MYCBP2: variants seen among roughly 807,000 people sequenced by gnomAD.
The protein encoded by MYCBP2 is MYC binding protein 2, also known as E3 ubiquitin-protein ligase MYCBP2.
Under a neutral mutation model 525.3 loss-of-function variants are expected in MYCBP2, and 120 were observed. That is an observed-to-expected ratio of 0.23 (90% CI 0.20 to 0.27). The LOEUF is 0.27. Ranked by LOEUF, MYCBP2 falls within the 10% of genes least tolerant of loss-of-function variation. The pLI, the probability that MYCBP2 is intolerant of heterozygous loss-of-function variation, is 1.00. For synonymous variants in MYCBP2, 1,894 were observed against 1,955.8 expected (o/e 0.97, Z 0.83); for missense variants, 4,149 against 5,657.1 (o/e 0.73, Z 8.55).
intron 4 of MYCBP2, among the ~76,000 whole-genome samples, chr13:77,276,288 G>A (rs565020268): frequency 3.5e-4 from 53 of 152,140 alleles, no homozygotes; most frequent in African/African-American, 1.2e-3. Context: ...ATGTTCCACA[G>A]TAAGAGTTAT....
intron 24 of MYCBP2, 58 bp from the exon 25 acceptor site, chr13:77,205,656 G>A (rs561201811): frequency 1.4e-6 from 2 of 1,480,662 alleles, no homozygotes; most frequent in Non-Finnish European, 1.8e-6. Context: ...CTATGGTATT[G>A]ATGACATTAA....
chr13:77,123,583 G>A (rs1436760385), intron 54 of MYCBP2, among the ~76,000 whole-genome samples: 1 of 152,108 alleles, frequency 6.6e-6, no homozygotes, highest in East Asian at 1.9e-4. Flanking sequence ...TGACCTATAA[G>A]GTCATTTTAT....
chr13:77,119,573 G>T (rs1490982532), intron 55 of MYCBP2, among the ~76,000 whole-genome samples: 1 of 151,926 alleles, frequency 6.6e-6, no homozygotes, highest in Non-Finnish European at 1.5e-5. Context: ...ACAGCTCTTC[G>T]ATCTTGGACA....
chr13:77,233,153 T>C lies in MYCBP2; in HGVS notation c.2737+3A>G. 2 of 1,612,028 alleles carry C rather than the reference T, an allele frequency of 1.2e-6. No homozygotes were observed. Among genetic ancestry groups the C allele is most frequent in the African/African-American group, 1.3e-5 (1 of 74,924 alleles). ...CACCTAGGTGATAAGGAAGACCAAA[T>C]ACCTTTGTGCTTGTCCCGTTTATGC... is the stretch of plus-strand genomic sequence containing the variant. On this transcript the variant is annotated splice_donor_region_variant and intron_variant, in intron 18 of 82. Coordinates refer to ENST00000544440, the MANE Select transcript of MYCBP2 (RefSeq NM_015057.5).
chr13:77,326,825 G>C lies in MYCBP2; in HGVS notation c.-50C>G, dbSNP rs946725019. ...CGCCTCGTCCCCGCGGGCCGGGCGG[G>C]CAGACACGCGCGCGCACACACAGCC... On this transcript the variant is annotated 5_prime_UTR_variant, in exon 1 of 83. Coordinates refer to ENST00000544440, the MANE Select transcript of MYCBP2 (RefSeq NM_015057.5). This position sits in a 1 kb window ranked among gnomAD's most constrained non-coding sequence, Gnocchi z 4.2. 71 of 1,376,030 alleles carry C rather than the reference G, an allele frequency of 5.2e-5. No homozygotes were observed. The highest frequency in any genetic ancestry group is 6.3e-5 in the Non-Finnish European group (68 of 1,077,012). The allele number at this position is 1,376,030 out of a possible 1,614,324, so 85.2% of individuals were successfully genotyped here.
intron 82 of MYCBP2, among the ~76,000 whole-genome samples, chr13:77,050,162 G>A (rs2036478786): frequency 6.6e-6 from 1 of 152,114 alleles, no homozygotes; most frequent in South Asian, 2.1e-4. Context: ...CTATATCCCT[G>A]AAGAGGGAGT....
rs771003750 is a variant in MYCBP2 at position 77,071,813 on chromosome 13, ATAT to A, written c.11824-1105_11824-1103del. ...ACGTGGACATTCACTAAAACAGACT[ATAT>A]TATAGGCCAGAATCCAAATCTTAAC... On this transcript the variant is annotated intron_variant, in intron 68 of 82. Transcript: ENST00000544440. Among the ~76,000 whole-genome samples, 14 of 152,318 alleles carry A rather than the reference ATAT, an allele frequency of 9.2e-5. No homozygotes were observed. The East Asian group carries it at 2.7e-3, about 29-fold the overall frequency.
rs769008154 is a variant in MYCBP2, at chr13:77,211,132, A to AACT, written c.3416+32_3416+34dup. The AACT allele has an allele frequency of 3.1e-5, 43 of 1,387,544 alleles. No individual in the cohort carries two copies. The African/African-American group carries it at 5.9e-4, about 19-fold the overall frequency. The allele number at this position is 1,387,544 out of a possible 1,614,324, so 86.0% of individuals were successfully genotyped here. A position where few individuals can be genotyped will look rare whatever the true frequency, so the allele number is the denominator to read the frequency against. On this transcript the variant is annotated intron_variant, in intron 23 of 82. Coordinates refer to ENST00000544440, the MANE Select transcript of MYCBP2 (RefSeq NM_015057.5). ...TACCATAAGAGTATAACTGCATCAA[A>AACT]ACTTATTGACTATTTTATAAACTGA...
chr13:77,236,452 TC>T (rs879437380), intron 17 of MYCBP2, among the ~76,000 whole-genome samples: 4 of 152,096 alleles, frequency 2.6e-5, no homozygotes, highest in Non-Finnish European at 4.4e-5. Context: ...AAAATTATTA[TC>T]CTTTGATCTA....
intron 46 of MYCBP2, among the ~76,000 whole-genome samples, chr13:77,153,581 C>A (rs577074227): frequency 1.4e-4 from 22 of 152,170 alleles, no homozygotes; most frequent in Admixed American, 1.4e-3. Flanking sequence ...TGTGTATGCA[C>A]CATGAACCTT....
rs1372553282 is a variant in MYCBP2 at position 77,098,062 on chromosome 13, G to C, written c.9092C>G (p.Ala3031Gly). Residue 3031 changes from alanine to glycine, a missense_variant, in exon 56 of 83, where the codon GCC becomes GGC. Physicochemically the swap from Ala to Gly is moderately conservative, Grantham distance 60. Transcript: ENST00000544440. Reference sequence around the variant, plus strand: ...GAGGAAGGAAGCAAACACAGCTCTGGCACATTCGGCCACAGAAGGAGACAT... The same window carrying C: ...GAGGAAGGAAGCAAACACAGCTCTGCCACATTCGGCCACAGAAGGAGACAT... ...QAMSPSVAEC[A>G]RAVFASFLWH... 1 of 1,613,428 alleles carries C rather than the reference G, an allele frequency of 6.2e-7. No individual in the cohort carries two copies. Among genetic ancestry groups the C allele is most frequent in the East Asian group, 2.2e-5 (1 of 44,862 alleles).
rs1276068857 is a variant in MYCBP2, at chr13:77,090,109, T to A, written c.10522A>T (p.Thr3508Ser). 1 of 1,608,332 alleles carries A rather than the reference T, an allele frequency of 6.2e-7. No homozygotes were observed. The highest frequency in any genetic ancestry group is 1.3e-5 in the African/African-American group (1 of 74,906). ...TCTTTTTTATCCTCATACTTACCAG[T>A]GTCTCCACTGTTAACTCTTCTTCTA... is the stretch of plus-strand genomic sequence containing the variant. ...IPRRRVNSGDTEVGSSLLRHP... is the reference protein window; with the variant it reads ...IPRRRVNSGDSEVGSSLLRHP... Residue 3508 changes from threonine to serine, a missense_variant, in exon 60 of 83, where the codon ACT becomes TCT. By Grantham distance (58) the Thr-to-Ser change is moderately conservative. Transcript: ENST00000544440.
At chr13:77,247,314 GAAC>G (rs2070215468) in intron 15 of MYCBP2, among the ~76,000 whole-genome samples, 1 of 152,008 alleles carries the variant, frequency 6.6e-6, no homozygotes, top group Admixed American at 6.6e-5. Context: ...CACTAACAAT[GAAC>G]AATATGAAAA....
intron 21 of MYCBP2, among the ~76,000 whole-genome samples, chr13:77,214,270 C>G (rs1253037126): frequency 6.6e-6 from 1 of 152,172 alleles, no homozygotes; most frequent in African/African-American, 2.4e-5. Flanking sequence ...TCTCACAAAA[C>G]TACATAGGCA....
intron 71 of MYCBP2, 67 bp from the exon 72 acceptor site, chr13:77,066,155 A>G (rs774586780): frequency 1.8e-6 from 2 of 1,112,974 alleles, no homozygotes; most frequent in Non-Finnish European, 2.7e-6. Context: ...GAAAAAGATG[A>G]AAATGTTATT....
At chr13:77,170,853 G>T (rs1463905398) in intron 38 of MYCBP2, among the ~76,000 whole-genome samples, 1 of 152,098 alleles carries the variant, frequency 6.6e-6, no homozygotes, top group Non-Finnish European at 1.5e-5. Context: ...GGGATTACAG[G>T]CATGAGCCAC....
chr13:77,141,943 C>A (rs1450590051), intron 49 of MYCBP2, among the ~76,000 whole-genome samples: 1 of 152,020 alleles, frequency 6.6e-6, no homozygotes, highest in African/African-American at 2.4e-5. Flanking sequence ...GGAAGAAGAG[C>A]AGGGAAGTTG....
intron 1 of MYCBP2, among the ~76,000 whole-genome samples, chr13:77,324,831 G>A (rs540097241): frequency 5.8e-4 from 88 of 152,304 alleles, no homozygotes; most frequent in African/African-American, 2.0e-3. Flanking sequence ...TATTGCATAA[G>A]TCTGGAAACC....
chr13:77,084,553 A>G (rs1403310374), intron 62 of MYCBP2, among the ~76,000 whole-genome samples: 1 of 152,074 alleles, frequency 6.6e-6, no homozygotes, highest in African/African-American at 2.4e-5. Context: ...GACTGGGGTT[A>G]TTTCAGTTTT....
Sources: gnomAD v4.1 joint callset for allele counts (sites outside exome capture counted in the v4.1 genomes callset) on GRCh38, gnomAD v4.1.1 for gene constraint, Gnocchi (gnomAD v3.1) non-coding constraint, MANE v1.5 for transcripts, NCBI Gene and HGNC (gene_info 2026-07-23, HGNC 2026-07-21) for gene names.